Variants in CCDC112 observed in about 807,000 individuals in gnomAD.
CCDC112 encodes coiled-coil domain containing 112.
In CCDC112, 40 loss-of-function variants were observed where a neutral mutation model predicts 66.3. That is an observed-to-expected ratio of 0.60 (90% CI 0.47 to 0.79). CCDC112 has a LOEUF of 0.79. CCDC112 is among the 30% of genes least tolerant of loss of function. CCDC112 has a pLI of 0.00. For missense variants in CCDC112, 659 were observed against 603.8 expected (o/e 1.09, Z -0.96); for synonymous variants, 214 against 197.2 (o/e 1.09, Z -0.71).
chr5:115,268,003 A>T (rs1748813436), intron 9 of CCDC112, 85 bp from the exon 10 acceptor site: 2 of 1,026,716 alleles, frequency 1.9e-6, no homozygotes, highest in Admixed American at 3.9e-5. Context: ...CTAACTTTAA[A>T]ATATATATAT....
chr5:115,269,801 T>TAAA lies in CCDC112; in HGVS notation c.1333-6_1333-4dup. On this transcript the variant is annotated splice_polypyrimidine_tract_variant and splice_region_variant and intron_variant, in intron 7 of 9. Coordinates refer to ENST00000379611, the MANE Select transcript of CCDC112 (RefSeq NM_001040440.3). The stretch of plus-strand genomic sequence containing the variant: ...TTCAGTTCAAGTTTATGTAAATCCT[T>TAAA]AAAAAAAAAAACCCATAGCATTAAG... 16 of 1,270,422 alleles carry TAAA rather than the reference T, an allele frequency of 1.3e-5. No homozygotes were observed. Among genetic ancestry groups the TAAA allele is most frequent in the Admixed American group, 5.3e-5 (2 of 37,508 alleles). The allele number at this position is 1,270,422 out of a possible 1,614,324, so 78.7% of individuals were successfully genotyped here. A position where few individuals can be genotyped will look rare whatever the true frequency, so the allele number is the denominator to read the frequency against.
chr5:115,296,165 A>G (rs776503968), intron 1 of CCDC112: 89 of 1,242,486 alleles, frequency 7.2e-5, no homozygotes, highest in Admixed American at 8.8e-5. Context: ...CGCCGACAGC[A>G]TATGTTCTTA....
intron 7 of CCDC112, among the ~76,000 whole-genome samples, chr5:115,270,134 T>G (rs760566285): frequency 2.0e-5 from 3 of 152,146 alleles, no homozygotes; most frequent in Non-Finnish European, 4.4e-5. Flanking sequence ...TTTTGTGGGT[T>G]TTATTTTTTT....
intron 2 of CCDC112, among the ~76,000 whole-genome samples, chr5:115,282,357 T>C (rs1022678638): frequency 1.1e-4 from 16 of 152,194 alleles, no homozygotes; most frequent in African/African-American, 3.6e-4. Context: ...CATCTATCTT[T>C]GCTTTGCTCA....
At chr5:115,270,825 C>A (rs1420629524) in intron 7 of CCDC112, among the ~76,000 whole-genome samples, 1 of 152,188 alleles carries the variant, frequency 6.6e-6, no homozygotes, top group Non-Finnish European at 1.5e-5. Flanking sequence ...CATACTGTTA[C>A]ACTCTTTCAA....
rs1193459560 is a variant in CCDC112 at position 115,275,329 on chromosome 5, G to T, written c.805C>A (p.Pro269Thr). The change falls in exon 6 of 10, where the codon CCA becomes ACA. Residue 269 changes from proline to threonine, a missense_variant. Coordinates refer to ENST00000379611, the MANE Select transcript of CCDC112 (RefSeq NM_001040440.3). Reference protein sequence around the residue: ...VKVRNKHKGKPTFMEEVLEHL... With the variant: ...VKVRNKHKGKTTFMEEVLEHL... ...TCTAGAACTTCTTCCATAAATGTTGGCTTCCCTTTATGTTTGTTTCTCACC... is the reference window on the plus strand; with the variant it reads ...TCTAGAACTTCTTCCATAAATGTTGTCTTCCCTTTATGTTTGTTTCTCACC... 2.4e-5 allele frequency: 39 copies of T among 1,613,760 alleles called. No homozygotes were observed. Among genetic ancestry groups the T allele is most frequent in the Non-Finnish European group, 3.2e-5 (38 of 1,179,926 alleles).
At chr5:115,296,257 A>C in intron 1 of CCDC112, 170 bp downstream of exon 1, 1 of 1,296,104 alleles carries the variant, frequency 7.7e-7, no homozygotes, top group Non-Finnish European at 9.8e-7. Context: ...GGCTCTGCAA[A>C]AGCTGTTAAA....
In CCDC112 at chr5:115,271,666, GT is replaced by G. The variant is rs767775346; in HGVS notation, c.919-41del. 7 of 1,341,286 alleles carry G rather than the reference GT, an allele frequency of 5.2e-6. No homozygotes were observed. In the African/African-American group the frequency reaches 9.7e-5, roughly 19 times the overall value. The allele number at this position is 1,341,286 out of a possible 1,614,324, so 83.1% of individuals were successfully genotyped here. ...TAAAAAAAGAAAGCAAGAGAAAAAA[GT>G]TTTTTAATAGCCAAAAGTATTTTAA... On this transcript the variant is annotated intron_variant, in intron 6 of 9. Coordinates refer to ENST00000379611, the MANE Select transcript of CCDC112 (RefSeq NM_001040440.3).
At chr5:115,295,151 G>C (rs1473329602) in intron 1 of CCDC112, among the ~76,000 whole-genome samples, 2 of 152,112 alleles carry the variant, frequency 1.3e-5, no homozygotes, top group Non-Finnish European at 2.9e-5. Context: ...ATATCCTCTA[G>C]GGGATTGATA....
Position 115,268,947 on chromosome 5 carries a change from A to C in CCDC112, c.1482T>G (p.Gly494=). Residue 494 remains glycine, a synonymous_variant, in exon 9 of 10, where the codon GGT becomes GGG. Coordinates refer to ENST00000379611, the MANE Select transcript of CCDC112 (RefSeq NM_001040440.3). ...CTATCTTTTTGGTTCGTTCTTCCCA[A>C]CCTTTGGTGGGTTTGTAAAGCCTAG... ...DPSRLYKPTK[G]WEERTKKIGP... The C allele has an allele frequency of 1.9e-6, 3 of 1,606,984 alleles. No individual in the cohort carries two copies. Among genetic ancestry groups the C allele is most frequent in the Non-Finnish European group, 2.5e-6 (3 of 1,176,924 alleles).
chr5:115,269,583 A>C, intron 8 of CCDC112, 120 bp downstream of exon 8: 1 of 675,324 alleles, frequency 1.5e-6, no homozygotes, highest in Non-Finnish European at 2.4e-6. Context: ...ATAAGTATGA[A>C]ATTTAAAGTA....
rs1409619496 is a variant in CCDC112, at chr5:115,267,425, GA to G, written c.*450del. 1 of 156,772 alleles carries G rather than the reference GA, an allele frequency of 6.4e-6. No individual in the cohort carries two copies. The highest frequency in any genetic ancestry group is 1.9e-4 in the East Asian group (1 of 5,256). 9.7% of individuals were successfully genotyped at this position (156,772 alleles called of 1,614,324 possible). A position where few individuals can be genotyped will look rare whatever the true frequency, so the allele number is the denominator to read the frequency against. On this transcript the variant is annotated 3_prime_UTR_variant, in exon 10 of 10. Coordinates refer to ENST00000379611, the MANE Select transcript of CCDC112 (RefSeq NM_001040440.3). ...ACAAACTGCCAATTTGTTAAACATAGAAAAAGTACTAACATTTCGTAACTCT... is the reference window on the plus strand; with the variant it reads ...ACAAACTGCCAATTTGTTAAACATAGAAAAGTACTAACATTTCGTAACTCT...
chr5:115,273,742 A>G (rs1415033243), intron 6 of CCDC112, among the ~76,000 whole-genome samples: 1 of 152,222 alleles, frequency 6.6e-6, no homozygotes, highest in Non-Finnish European at 1.5e-5. Context: ...TTACCCTCAC[A>G]GTGCTAATTA....
Position 115,269,767 on chromosome 5 carries a change from T to A in CCDC112, c.1364A>T (p.Asp455Val), listed in dbSNP as rs755768818. The A allele has an allele frequency of 3.8e-6, 6 of 1,591,482 alleles. No individual in the cohort carries two copies. Among genetic ancestry groups the A allele is most frequent in the Non-Finnish European group, 4.3e-6 (5 of 1,172,298 alleles). The change falls in exon 8 of 10, where the codon GAT becomes GTT. Residue 455 changes from aspartate (D) to valine (V), a missense_variant. Coordinates refer to ENST00000379611, the MANE Select transcript of CCDC112 (RefSeq NM_001040440.3). ...CTTTTCATCTTCCTTTGCCTGTCTA[T>A]CTAGAATTTTCAGTTCAAGTTTATG... ...DLHKLELKIL[D>V]RQAKEDEKSQ...
In CCDC112 at chr5:115,267,645, A is replaced by C. The variant is rs995803559; in HGVS notation, c.*231T>G. On this transcript the variant is annotated 3_prime_UTR_variant, in exon 10 of 10. Coordinates refer to ENST00000379611, the MANE Select transcript of CCDC112 (RefSeq NM_001040440.3). ...TAATGTTTCTAACATTAACTTATTT[A>C]AATAACTTTTACATCAATAATAGGC... The C allele has an allele frequency of 1.7e-4, 73 of 439,306 alleles. 1 individual carries two copies. The highest frequency in any genetic ancestry group is 9.2e-4 in the South Asian group (23 of 25,086). 27.2% of individuals were successfully genotyped at this position (439,306 alleles called of 1,614,324 possible).
At chr5:115,274,094 G>A (rs1197051721) in intron 6 of CCDC112, among the ~76,000 whole-genome samples, 7 of 151,882 alleles carry the variant, frequency 4.6e-5, no homozygotes, top group African/African-American at 7.3e-5. Context: ...GTCAAACTTC[G>A]TCATCACTGA....
rs1373318547 is a variant in CCDC112, at chr5:115,271,623, T to C, written c.922A>G (p.Ile308Val). Residue 308 changes from isoleucine to valine, a missense_variant, in exon 7 of 10, where the codon ATT (isoleucine) becomes GTT (valine). Physicochemically the swap from Ile to Val is conservative, Grantham distance 29 (BLOSUM62 3). Coordinates refer to ENST00000379611, the MANE Select transcript of CCDC112 (RefSeq NM_001040440.3). ...LALEERKKES[I>V]QIWKTKKQQK... is the part of the protein sequence containing the mutation. ...TGCTTTTTAGTTTTCCAAATCTGAA[T>C]TGACTAAATGATTTTTTTAAAAAAA... The C allele has an allele frequency of 9.9e-6, 15 of 1,508,738 alleles. No homozygotes were observed. Among genetic ancestry groups the C allele is most frequent in the Non-Finnish European group, 1.1e-5 (13 of 1,135,316 alleles). The allele number at this position is 1,508,738 out of a possible 1,614,324, so 93.5% of individuals were successfully genotyped here.
chr5:115,284,043 T>G (rs1408187171), intron 2 of CCDC112, among the ~76,000 whole-genome samples: 1 of 151,818 alleles, frequency 6.6e-6, no homozygotes, highest in African/African-American at 2.4e-5. Context: ...TTGGTCATAA[T>G]GGGCAAAATG....
Position 115,271,271 on chromosome 5 carries a change from G to A in CCDC112, c.1274C>T (p.Ala425Val). ...LRLEKEIREK[A>V]EKAEKRKNAA... ...ATTTTTCCTTTTTTCTGCCTTTTCT[G>A]CCTTTTCCCTTATCTCCTTTTCAAG... Residue 425 changes from alanine (A) to valine (V), a missense_variant, in exon 7 of 10, where the codon GCA becomes GTA. Transcript: ENST00000379611. The A allele has an allele frequency of 6.3e-7, 1 of 1,599,578 alleles. No individual in the cohort carries two copies. The highest frequency in any genetic ancestry group is 8.5e-7 in the Non-Finnish European group (1 of 1,176,262).
Sources: gnomAD v4.1 joint callset for allele counts (sites outside exome capture counted in the v4.1 genomes callset) on GRCh38, gnomAD v4.1.1 for gene constraint, MANE v1.5 for transcripts, NCBI Gene and HGNC (gene_info 2026-07-23, HGNC 2026-07-21) for gene names.